Variants in NVL observed in about 807,000 individuals in gnomAD.
The protein encoded by NVL is nuclear valosin-containing protein-like.
In NVL, 84 loss-of-function variants were observed where a neutral mutation model predicts 110.2. The ratio of observed to expected loss-of-function variants is 0.76; its 90% CI spans 0.64 to 0.91. The LOEUF is 0.91. Among genes scored for constraint, NVL ranks in the 40% least tolerant of loss-of-function variants. The pLI is 0.00. For synonymous variants in NVL, 354 were observed against 361.1 expected, an observed-to-expected ratio of 0.98 and a Z score of 0.22; for missense variants, 882 against 1,035.9, an observed-to-expected ratio of 0.85 and a Z score of 2.04.
intron 12 of NVL, 23 bp downstream of exon 12, chr1:224,294,244 A>G: frequency 6.2e-7 from 1 of 1,613,662 alleles, no homozygotes; most frequent in Non-Finnish European, 8.5e-7. Context: ...GTGGCATACA[A>G]ACTTCATTCT....
rs1412409736 is a variant in NVL at position 224,286,185 on chromosome 1, T to C, written c.1795-55A>G. ...TTACATGTCCATTTTATACTGCAGG[T>C]TCAAATTATTTCCAGATACATATTT... On this transcript the variant is annotated intron_variant, in intron 14 of 22. Coordinates refer to ENST00000281701, the MANE Select transcript of NVL (RefSeq NM_002533.4). 1.1e-5 allele frequency: 14 copies of C among 1,248,876 alleles called. No individual in the cohort carries two copies. The East Asian group carries it at 3.0e-4, about 27-fold the overall frequency. The allele number at this position is 1,248,876 out of a possible 1,614,324, so 77.4% of individuals were successfully genotyped here.
intron 22 of NVL, chr1:224,227,909 A>G: frequency 3.9e-6 from 1 of 257,818 alleles, no homozygotes; most frequent in East Asian, 7.2e-5. Context: ...AGGGAAGAGC[A>G]TGTGCGCAGA....
At chr1:224,300,255 A>C (rs1668269950) in intron 10 of NVL, among the ~76,000 whole-genome samples, 1 of 152,220 alleles carries the variant, frequency 6.6e-6, no homozygotes, top group African/African-American at 2.4e-5. Context: ...TGAGGAAAGT[A>C]AAAGTGAGTG....
At chr1:224,236,293 GA>G (rs150419937) in intron 20 of NVL, among the ~76,000 whole-genome samples, 3,922 of 152,288 alleles carry the variant, frequency 0.026, 77 homozygotes, top group Non-Finnish European at 0.04. Context: ...GTCAACATAT[GA>G]AAGGACTCCC....
chr1:224,250,253 G>A lies in NVL; in HGVS notation c.2248C>T (p.Pro750Ser). The change falls in exon 19 of 23, where the codon CCC becomes TCC. Residue 750 changes from proline (P) to serine (S), a missense_variant. Coordinates refer to ENST00000281701, the MANE Select transcript of NVL (RefSeq NM_002533.4). ...AAGATGGCAAGGCGATCTGCAGGGG[G>A]CGGTAAACCCACAAACAGTGTTTTG... Reference protein sequence around the residue: ...LDKTLFVGLPPPADRLAILKT... With the variant: ...LDKTLFVGLPSPADRLAILKT... 6.2e-7 allele frequency: 1 copy of A among 1,609,926 alleles called. No individual in the cohort carries two copies. The highest frequency in any genetic ancestry group is 8.5e-7 in the Non-Finnish European group (1 of 1,178,386).
intron 9 of NVL, among the ~76,000 whole-genome samples, 164 bp downstream of exon 9, chr1:224,303,559 A>G (rs1311471182): frequency 1.3e-5 from 2 of 152,202 alleles, no homozygotes; most frequent in African/African-American, 4.8e-5. Flanking sequence ...TAAATGAATA[A>G]ATTCCACAAA....
rs58860166 is a variant in NVL, at chr1:224,303,502, T to TAA, written c.960+219_960+220dup. ...TTGCCATATAAACAATTACATACAT[T>TAA]AAAAAAAAAAATCCCTCAAGTTGCT... On this transcript the variant is annotated intron_variant, in intron 9 of 22. Coordinates refer to ENST00000281701, the MANE Select transcript of NVL (RefSeq NM_002533.4). 4.2e-3 allele frequency among the ~76,000 whole-genome samples: 621 copies of TAA among 146,898 alleles called. 5 individuals are homozygous for TAA. Among genetic ancestry groups the TAA allele is most frequent in the African/African-American group, 0.015 (594 of 40,120 alleles).
chr1:224,326,341 T>C lies in NVL; in HGVS notation c.131+50A>G, dbSNP rs962099659. The C allele has an allele frequency of 4.4e-6, 6 of 1,353,944 alleles. No homozygotes were observed. In the African/African-American group the frequency reaches 5.8e-5, roughly 13 times the overall value. The allele number at this position is 1,353,944 out of a possible 1,614,324, so 83.9% of individuals were successfully genotyped here. On this transcript the variant is annotated intron_variant, in intron 2 of 22. Transcript: ENST00000281701. Reference sequence around the variant, plus strand: ...TTAGGCAGGATATAAACTTTTAAAATGGTAAAGGAGACATAAAAATCCAAG... The same window carrying C: ...TTAGGCAGGATATAAACTTTTAAAACGGTAAAGGAGACATAAAAATCCAAG...
At chr1:224,324,709 G>A (rs531611419) in intron 2 of NVL, among the ~76,000 whole-genome samples, 14 of 152,318 alleles carry the variant, frequency 9.2e-5, no homozygotes. Context: ...ATAGGTGTGA[G>A]TCCTTGCATC....
intron 16 of NVL, 41 bp downstream of exon 16, chr1:224,281,082 T>A: frequency 6.4e-7 from 1 of 1,551,810 alleles, no homozygotes; most frequent in Non-Finnish European, 8.9e-7. Context: ...TGACCATTAC[T>A]TTTTCTAATC....
chr1:224,316,735 C>T lies in NVL; in HGVS notation c.284+959G>A, dbSNP rs538785204. On this transcript the variant is annotated intron_variant, in intron 4 of 22. Coordinates refer to ENST00000281701, the MANE Select transcript of NVL (RefSeq NM_002533.4). ...GTGGAGGGAGAAATGAATTGCAAAG[C>T]GGAACAAGAAGACTTTTGATATTTA... 2.3e-4 allele frequency among the ~76,000 whole-genome samples: 35 copies of T among 150,868 alleles called. No individual in the cohort carries two copies. In the South Asian group the frequency reaches 6.3e-3, roughly 27 times the overall value.
In NVL at chr1:224,229,385, T is replaced by G. The variant is rs541585653; in HGVS notation, c.2527-1715A>C. On this transcript the variant is annotated intron_variant, in intron 22 of 22. Coordinates refer to ENST00000281701, the MANE Select transcript of NVL (RefSeq NM_002533.4). ...ATTTAGTGTTGCCAATATTTTAAAT[T>G]TTAGTCATTGTGGTAGGTGTGTAGT... 4.6e-5 allele frequency among the ~76,000 whole-genome samples: 7 copies of G among 152,206 alleles called. No individual in the cohort carries two copies. The South Asian group carries it at 1.4e-3, about 32-fold the overall frequency.
intron 18 of NVL, among the ~76,000 whole-genome samples, chr1:224,251,188 T>C (rs1369818374): frequency 2.0e-5 from 3 of 147,224 alleles, no homozygotes; most frequent in Non-Finnish European, 3.0e-5. Flanking sequence ...GCAGGAAAAT[T>C]GCTTGAGCCT....
intron 17 of NVL, among the ~76,000 whole-genome samples, chr1:224,270,678 CAT>C: frequency 1.3e-5 from 2 of 152,128 alleles, no homozygotes; most frequent in South Asian, 4.2e-4. Flanking sequence ...TACTTTCCAT[CAT>C]AGAGTACCAA....
At position 224,300,542 on chromosome 1, in the gene NVL, T is replaced by C. The variant is rs1668297461; in HGVS notation, c.1062+20A>G. ...GCTGGTAGCGTCTGACCACCTGGCA[T>C]TAGTCATTAACTGACTCACCACAGC... On this transcript the variant is annotated intron_variant, in intron 10 of 22. Coordinates refer to ENST00000281701, the MANE Select transcript of NVL (RefSeq NM_002533.4). 1.3e-6 allele frequency: 2 copies of C among 1,576,198 alleles called. No individual in the cohort carries two copies. Among genetic ancestry groups the C allele is most frequent in the South Asian group, 1.1e-5 (1 of 89,496 alleles).
At chr1:224,285,261 C>A (rs1187726505) in intron 15 of NVL, among the ~76,000 whole-genome samples, 1 of 152,002 alleles carries the variant, frequency 6.6e-6, no homozygotes, top group Non-Finnish European at 1.5e-5. Context: ...ATGGTGAAAC[C>A]CCATCTCTAC....
rs762401653 is a variant in NVL at position 224,300,660 on chromosome 1, G to T, written c.964C>A (p.Leu322Ile). Reference protein sequence around the residue: ...TLLAHAIAGELDLPILKVAAP... With the variant: ...TLLAHAIAGEIDLPILKVAAP... ...GCCACTTTCAAAATTGGCAGGTCAA[G>T]TTCCTATGCAGACACATAAAAGAAT... The change falls in exon 10 of 23, where the codon CTT (leucine) becomes ATT (isoleucine). Residue 322 changes from leucine to isoleucine, a missense_variant. Coordinates refer to ENST00000281701, the MANE Select transcript of NVL (RefSeq NM_002533.4). The T allele has an allele frequency of 6.2e-7, 1 of 1,612,162 alleles. No individual in the cohort carries two copies. The highest frequency in any genetic ancestry group is 8.5e-7 in the Non-Finnish European group (1 of 1,178,428).
Position 224,236,641 on chromosome 1 carries a change from T to G in NVL, c.2290-59A>C. ...GCTTTAAAGACCATGCCGGGTGCGA[T>G]GGCTCATGCTTGTAATCCCAGCACT... On this transcript the variant is annotated intron_variant, in intron 19 of 22. Coordinates refer to ENST00000281701, the MANE Select transcript of NVL (RefSeq NM_002533.4). 4 of 1,384,908 alleles carry G rather than the reference T, an allele frequency of 2.9e-6. No homozygotes were observed. In the African/African-American group the frequency reaches 4.3e-5, roughly 15 times the overall value. The allele number at this position is 1,384,908 out of a possible 1,614,324, so 85.8% of individuals were successfully genotyped here. A position where few individuals can be genotyped will look rare whatever the true frequency, so the allele number is the denominator to read the frequency against.
At position 224,292,806 on chromosome 1, in the gene NVL, A is replaced by C. The variant is rs139185485; in HGVS notation, c.1325+1461T>G. Among the ~76,000 whole-genome samples the C allele has an allele frequency of 1.2e-4, 18 of 151,780 alleles. No homozygotes were observed. In the East Asian group the frequency reaches 3.1e-3, roughly 26 times the overall value. On this transcript the variant is annotated intron_variant, in intron 12 of 22. Transcript: ENST00000281701. ...GTGTCACCCAGGCTGGATGGAGTAC[A>C]GTGGCATGACATCGGCTCACTACAA... is the stretch of plus-strand genomic sequence containing the variant.
Sources: gnomAD v4.1 joint callset for allele counts (sites outside exome capture counted in the v4.1 genomes callset) on GRCh38, gnomAD v4.1.1 for gene constraint, MANE v1.5 for transcripts, NCBI Gene and HGNC (gene_info 2026-07-23, HGNC 2026-07-21) for gene names.